Variants in SEL1L3 observed in about 807,000 individuals in gnomAD.
SEL1L3 encodes the protein protein sel-1 homolog 3.
In SEL1L3, 76 loss-of-function variants were observed where a neutral mutation model predicts 142.8. That is an observed-to-expected ratio of 0.53 (90% CI 0.44 to 0.64). SEL1L3 has a LOEUF of 0.64. Among genes scored for constraint, SEL1L3 ranks in the 30% least tolerant of loss-of-function variants. The probability of loss-of-function intolerance (pLI) is 0.00; values close to 1 mark genes in which losing one functional copy is unlikely to be tolerated. For synonymous variants in SEL1L3, 504 were observed against 519.6 expected (o/e 0.97, Z 0.41); for missense variants, 1,262 against 1,381.7 (o/e 0.91, Z 1.37).
intron 17 of SEL1L3, 116 bp from the exon 18 acceptor site, chr4:25,767,946 C>T: frequency 1.5e-6 from 1 of 652,352 alleles, no homozygotes; most frequent in South Asian, 2.0e-5. Flanking sequence ...AAAAAAACCA[C>T]AAAATCGTGA....
chr4:25,747,331 G>A (rs1019665218), downstream of SEL1L3: 3 of 151,966 alleles, frequency 2.0e-5, no homozygotes, highest in African/African-American at 4.8e-5. Flanking sequence ...CTCACCAGGA[G>A]GACTTTTCTT....
chr4:25,818,616 G>A (rs1390630543), intron 8 of SEL1L3, among the ~76,000 whole-genome samples: 6 of 152,182 alleles, frequency 3.9e-5, no homozygotes, highest in Non-Finnish European at 8.8e-5. Context: ...GGGAGGCAAA[G>A]CAGTTCAAGA....
At chr4:25,799,236 G>C (rs1713007880) in intron 11 of SEL1L3, among the ~76,000 whole-genome samples, 1 of 152,006 alleles carries the variant, frequency 6.6e-6, no homozygotes, top group South Asian at 2.1e-4. Context: ...CACCATGCCT[G>C]GCTAGTTTTT....
chr4:25,822,847 A>G (rs897744212), intron 6 of SEL1L3, among the ~76,000 whole-genome samples: 10 of 152,232 alleles, frequency 6.6e-5, no homozygotes, highest in Admixed American at 5.2e-4. Flanking sequence ...TTCGCCAAAG[A>G]TGGGAGAACC....
the SEL1L3 span, among the ~76,000 whole-genome samples, chr4:25,728,100 G>A: frequency 7.2e-5 from 11 of 152,174 alleles, no homozygotes; most frequent in East Asian, 1.4e-3. Flanking sequence ...GAAGTCCCTC[G>A]TTTTCTTATG....
chr4:25,730,975 G>T, the SEL1L3 span, among the ~76,000 whole-genome samples: 2 of 152,114 alleles, frequency 1.3e-5, no homozygotes, highest in Non-Finnish European at 2.9e-5. Flanking sequence ...AGGTTGCAGC[G>T]AGGAAAGATC....
intron 6 of SEL1L3, among the ~76,000 whole-genome samples, chr4:25,823,182 T>C (rs1214962055): frequency 6.6e-6 from 1 of 152,166 alleles, no homozygotes; most frequent in Admixed American, 6.6e-5. Flanking sequence ...TTTACAAAGT[T>C]TTGATTTTTT....
the SEL1L3 span, among the ~76,000 whole-genome samples, chr4:25,726,296 A>C: frequency 2.6e-5 from 4 of 151,908 alleles, no homozygotes. Flanking sequence ...TTGTGAGGCC[A>C]AGGCGGGCAG....
chr4:25,779,907 A>G (rs1719882991), intron 15 of SEL1L3, among the ~76,000 whole-genome samples: 1 of 152,158 alleles, frequency 6.6e-6, no homozygotes, highest in Non-Finnish European at 1.5e-5. Context: ...TAATCTCTCC[A>G]AACCTAATTT....
chr4:25,736,242 T>TGTGTGTGTGTGA, the SEL1L3 span, among the ~76,000 whole-genome samples: 607 of 150,524 alleles, frequency 4.0e-3, 3 homozygotes, highest in African/African-American at 0.014. Flanking sequence ...TGTGTGTGTG[T>TGTGTGTGTGTGA]GATGGAGTTT....
intron 23 of SEL1L3, chr4:25,755,963 C>A (rs1418218065): frequency 1.0e-6 from 1 of 985,238 alleles, no homozygotes; most frequent in Non-Finnish European, 1.2e-6. Flanking sequence ...AGTTTATTAA[C>A]CAGCAGACTA....
At chr4:25,798,122 G>T (rs189852366) in intron 11 of SEL1L3, among the ~76,000 whole-genome samples, 141 of 152,278 alleles carry the variant, frequency 9.3e-4, no homozygotes, top group African/African-American at 3.1e-3. Flanking sequence ...CAAGGAACCA[G>T]ATCGAAGAAC....
intron 1 of SEL1L3, among the ~76,000 whole-genome samples, chr4:25,858,552 TTTTG>T (rs562355585): frequency 7.5e-4 from 114 of 151,964 alleles, no homozygotes; most frequent in African/African-American, 2.4e-3. Context: ...GTTGTTGTTG[TTTTG>T]TTTTTGTTTT....
rs758729887 is a variant in SEL1L3 at position 25,822,099 on chromosome 4, G to A, written c.1187C>T (p.Thr396Ile). ...CCCTCCAATAATGAAGTACCCAGCT[G>A]TGTCATTATAATGGAAATCCTCCCG... is the stretch of plus-strand genomic sequence containing the variant. Reference protein sequence around the residue: ...SFREDFHYNDTAGYFIIGGSR... With the variant: ...SFREDFHYNDIAGYFIIGGSR... The change falls in exon 7 of 24, where the codon ACA becomes ATA. Residue 396 changes from threonine (T) to isoleucine (I), a missense_variant. Physicochemically the swap from Thr to Ile is moderately conservative, Grantham distance 89. Transcript: ENST00000399878. The A allele has an allele frequency of 2.5e-6, 4 of 1,613,844 alleles. No homozygotes were observed. Among genetic ancestry groups the A allele is most frequent in the Non-Finnish European group, 3.4e-6 (4 of 1,179,782 alleles).
At chr4:25,759,798 A>C (rs6819080) in intron 20 of SEL1L3, 3 of 152,046 alleles carry the variant, frequency 2.0e-5, no homozygotes, top group Admixed American at 2.0e-4. Context: ...CCTCCATCAC[A>C]AGCCGAGCAG....
chr4:25,804,807 G>A, intron 9 of SEL1L3, 55 bp from the exon 10 acceptor site: 4 of 1,345,792 alleles, frequency 3.0e-6, no homozygotes, highest in East Asian at 2.3e-5. Context: ...GATCGATGTG[G>A]CTTTAGAAAA....
chr4:25,779,716 A>T (rs2109165483), intron 15 of SEL1L3, among the ~76,000 whole-genome samples: 1 of 152,320 alleles, frequency 6.6e-6, no homozygotes, highest in Non-Finnish European at 1.5e-5. Context: ...TTATGTCATC[A>T]GAGACAGGTA....
intron 13 of SEL1L3, among the ~76,000 whole-genome samples, chr4:25,785,247 C>G (rs1280925595): frequency 6.6e-6 from 1 of 152,192 alleles, no homozygotes. Context: ...GGAAACAGCG[C>G]TAGTTACCGT....
At chr4:25,725,327 T>G in the SEL1L3 span, among the ~76,000 whole-genome samples, 1 of 151,670 alleles carries the variant, frequency 6.6e-6, no homozygotes, top group Non-Finnish European at 1.5e-5. Context: ...GCTTTTTTTT[T>G]TTTTTTGAGA....
Sources: allele counts gnomAD v4.1 joint callset (sites outside exome capture counted in the v4.1 genomes callset), GRCh38; gene constraint gnomAD v4.1.1; transcripts MANE v1.5; gene names NCBI Gene and HGNC (gene_info 2026-07-23, HGNC 2026-07-21).